The following GPR149 variants were observed in gnomAD, a reference collection of about 807,000 sequenced individuals.
The protein encoded by GPR149 is G protein-coupled receptor 149.
A neutral mutation model predicts 50.2 loss-of-function variants in GPR149; 50 were observed. That is an observed-to-expected ratio of 1.00 (90% CI 0.79 to 1.26). GPR149 has a LOEUF of 1.26. Among genes scored for constraint, GPR149 ranks in the 50% most tolerant of loss-of-function variants. The pLI is 0.00. For missense variants in GPR149, 983 were observed against 895.4 expected (o/e 1.10, Z -1.25); for synonymous variants, 405 against 358.2 (o/e 1.13, Z -1.48).
chr3:154,355,922 T>A (rs1329157613), intron 3 of GPR149, among the ~76,000 whole-genome samples: 1 of 152,228 alleles, frequency 6.6e-6, no homozygotes, highest in African/African-American at 2.4e-5. Flanking sequence ...AAGTTTACAT[T>A]GATGATATTC....
chr3:154,405,254 G>T (rs985897975), intron 3 of GPR149, among the ~76,000 whole-genome samples: 3 of 152,068 alleles, frequency 2.0e-5, no homozygotes, highest in Admixed American at 1.3e-4. Context: ...CAGTGAGAGG[G>T]TATAATGATA....
At chr3:154,350,846 A>T (rs916062385) in intron 3 of GPR149, among the ~76,000 whole-genome samples, 3 of 152,200 alleles carry the variant, frequency 2.0e-5, no homozygotes, top group African/African-American at 7.2e-5. Flanking sequence ...AAAATGGCAT[A>T]GTATGTGTAT....
At chr3:154,358,466 C>A (rs1559973473) in intron 3 of GPR149, among the ~76,000 whole-genome samples, 1 of 151,858 alleles carries the variant, frequency 6.6e-6, no homozygotes, top group Non-Finnish European at 1.5e-5. Context: ...AAATTAAAAT[C>A]ACCAAACCTT....
chr3:154,420,574 G>A (rs1043860952), intron 3 of GPR149, among the ~76,000 whole-genome samples: 4 of 151,910 alleles, frequency 2.6e-5, no homozygotes, highest in Non-Finnish European at 4.4e-5. Context: ...TGATAGGCAA[G>A]CTGCCTAATA....
At chr3:154,402,867 T>C (rs557622950) in intron 3 of GPR149, among the ~76,000 whole-genome samples, 1 of 152,364 alleles carries the variant, frequency 6.6e-6, no homozygotes, top group South Asian at 2.1e-4. Flanking sequence ...AAATATTTAC[T>C]GAATAAACTA....
intron 3 of GPR149, among the ~76,000 whole-genome samples, chr3:154,345,059 A>G (rs530455641): frequency 1.6e-4 from 24 of 152,344 alleles, no homozygotes; most frequent in African/African-American, 5.5e-4. Context: ...AAAAGAAGTG[A>G]ACATTCTCTT....
chr3:154,385,252 C>A (rs892256619), intron 3 of GPR149, among the ~76,000 whole-genome samples: 34 of 152,196 alleles, frequency 2.2e-4, no homozygotes, highest in Admixed American at 6.5e-4. Context: ...GATTATTTCA[C>A]CTGGCTTTCA....
At chr3:154,381,223 G>T (rs756790528) in intron 3 of GPR149, among the ~76,000 whole-genome samples, 14 of 152,094 alleles carry the variant, frequency 9.2e-5, no homozygotes, top group Non-Finnish European at 1.3e-4. Context: ...CTTGGAGAAG[G>T]TCACTGTAGA....
intron 3 of GPR149, among the ~76,000 whole-genome samples, chr3:154,346,800 T>C (rs1169944603): frequency 3.9e-5 from 6 of 152,156 alleles, no homozygotes; most frequent in African/African-American, 1.4e-4. Flanking sequence ...TTTTGTCATG[T>C]TGGCCAGGCT....
At chr3:154,376,884 T>A (rs1407255839) in intron 3 of GPR149, among the ~76,000 whole-genome samples, 4 of 152,134 alleles carry the variant, frequency 2.6e-5, no homozygotes, top group South Asian at 2.1e-4. Context: ...CAGTTGCCTT[T>A]ACATAATAAA....
Position 154,337,610 on chromosome 3 carries a change from A to T in GPR149, c.*89T>A. ...TCAGTAAAACTAATGTAAGCCAACAAATAAAAGGAAATCAGTCTCATAACA... is the reference window on the plus strand; with the variant it reads ...TCAGTAAAACTAATGTAAGCCAACATATAAAAGGAAATCAGTCTCATAACA... On this transcript the variant is annotated 3_prime_UTR_variant, in exon 4 of 4. Coordinates refer to ENST00000389740, the MANE Select transcript of GPR149 (RefSeq NM_001038705.3). The T allele has an allele frequency of 9.3e-7, 1 of 1,070,926 alleles. No homozygotes were observed. The highest frequency in any genetic ancestry group is 1.3e-6 in the Non-Finnish European group (1 of 749,762). The allele number at this position is 1,070,926 out of a possible 1,614,324, so 66.3% of individuals were successfully genotyped here.
intron 3 of GPR149, among the ~76,000 whole-genome samples, chr3:154,343,309 T>C (rs1390128521): frequency 6.6e-6 from 1 of 152,190 alleles, no homozygotes; most frequent in Non-Finnish European, 1.5e-5. Flanking sequence ...TGGGAGTGAA[T>C]AGTGGCTTGG....
chr3:154,369,912 G>T (rs1157507608), intron 3 of GPR149, among the ~76,000 whole-genome samples: 1 of 152,146 alleles, frequency 6.6e-6, no homozygotes, highest in South Asian at 2.1e-4. Flanking sequence ...GAATGACCCC[G>T]GAGGAGAGGG....
At chr3:154,394,275 A>G (rs1451992461) in intron 3 of GPR149, among the ~76,000 whole-genome samples, 1 of 152,050 alleles carries the variant, frequency 6.6e-6, no homozygotes, top group Non-Finnish European at 1.5e-5. Context: ...TATATAATCA[A>G]CTAATCTTTA....
At chr3:154,341,338 T>TATATATAA (rs1713796059) in intron 3 of GPR149, among the ~76,000 whole-genome samples, 1 of 122,004 alleles carries the variant, frequency 8.2e-6, no homozygotes, top group African/African-American at 3.2e-5. Flanking sequence ...TATATATATA[T>TATATATAA]ATAAAATGAG....
intron 3 of GPR149, among the ~76,000 whole-genome samples, chr3:154,416,363 C>G (rs1711987749): frequency 6.6e-6 from 1 of 151,732 alleles, no homozygotes; most frequent in South Asian, 2.1e-4. Flanking sequence ...CAGAAATCAT[C>G]TGGAAGCTTA....
chr3:154,351,638 G>A (rs114949414), intron 3 of GPR149, among the ~76,000 whole-genome samples: 1,755 of 152,268 alleles, frequency 0.012, 21 homozygotes, highest in African/African-American at 0.04. Context: ...GTTTTCAGAT[G>A]ATGCTGAAGC....
intron 2 of GPR149, 124 bp from the exon 3 acceptor site, chr3:154,421,611 T>C: frequency 1.9e-6 from 1 of 522,924 alleles, no homozygotes; most frequent in South Asian, 3.9e-5. Context: ...AAAACTATCT[T>C]CATTTACTTT....
intron 3 of GPR149, among the ~76,000 whole-genome samples, chr3:154,383,636 G>A (rs1389953349): frequency 1.3e-5 from 2 of 152,094 alleles, no homozygotes; most frequent in Non-Finnish European, 2.9e-5. Context: ...TCAGTGTTTA[G>A]AGTTCATGGG....
Sources: allele counts gnomAD v4.1 joint callset (sites outside exome capture counted in the v4.1 genomes callset), GRCh38; gene constraint gnomAD v4.1.1; transcripts MANE v1.5; gene names NCBI Gene and HGNC (gene_info 2026-07-23, HGNC 2026-07-21).